Variants in ATF7IP2 observed in about 807,000 individuals in gnomAD.
ATF7IP2 encodes activating transcription factor 7 interacting protein 2.
In ATF7IP2, 42 loss-of-function variants were observed where a neutral mutation model predicts 64.2. The observed-to-expected ratio is 0.65, with a 90% CI of 0.51 to 0.85. The LOEUF is 0.85. Ranked by LOEUF, ATF7IP2 falls within the 40% of genes least tolerant of loss-of-function variation. The pLI is 0.00. For synonymous variants in ATF7IP2, 308 were observed against 272.8 expected (o/e 1.13, Z -1.27); for missense variants, 933 against 784.2 (o/e 1.19, Z -2.27).
intron 12 of ATF7IP2, among the ~76,000 whole-genome samples, chr16:10,475,623 G>T (rs886897859): frequency 1.3e-5 from 2 of 148,438 alleles, no homozygotes; most frequent in Non-Finnish European, 1.5e-5. Flanking sequence ...AACCCGGGAA[G>T]TGGAGCTTGC....
At chr16:10,472,308 G>T in intron 10 of ATF7IP2, 125 bp downstream of exon 10, 1 of 470,596 alleles carries the variant, frequency 2.1e-6, no homozygotes, top group Non-Finnish European at 3.7e-6. Flanking sequence ...ACTCTCAAAT[G>T]TTCTAATTTA....
chr16:10,457,327 T>A (rs759068041), intron 8 of ATF7IP2, 45 bp from the exon 9 acceptor site: 2 of 1,529,866 alleles, frequency 1.3e-6, no homozygotes, highest in African/African-American at 1.4e-5. Context: ...AAGGATACAA[T>A]TGGTAAAATT....
At chr16:10,397,147 T>G (rs1422231424) in intron 1 of ATF7IP2, among the ~76,000 whole-genome samples, 1 of 152,214 alleles carries the variant, frequency 6.6e-6, no homozygotes, top group African/African-American at 2.4e-5. Context: ...AATCTGTGGA[T>G]TTTATTTCTG....
intron 6 of ATF7IP2, among the ~76,000 whole-genome samples, chr16:10,436,873 A>G (rs1051735981): frequency 1.3e-5 from 2 of 151,876 alleles, no homozygotes; most frequent in African/African-American, 4.8e-5. Flanking sequence ...GAAATTAATT[A>G]TTCTCCCTGA....
At chr16:10,394,820 A>C (rs1450977772) in intron 1 of ATF7IP2, among the ~76,000 whole-genome samples, 1 of 152,210 alleles carries the variant, frequency 6.6e-6, no homozygotes, top group African/African-American at 2.4e-5. Flanking sequence ...ATGAAGACAA[A>C]CATATCAAAG....
intron 9 of ATF7IP2, among the ~76,000 whole-genome samples, chr16:10,468,455 G>A (rs1045918011): frequency 6.6e-6 from 1 of 152,170 alleles, no homozygotes; most frequent in African/African-American, 2.4e-5. Context: ...GTTCTACCAG[G>A]AGTTTAGGAT....
chr16:10,481,019 A>G lies in ATF7IP2; in HGVS notation c.1635+55A>G, dbSNP rs961917541. The G allele has an allele frequency of 2.7e-5, 36 of 1,310,170 alleles. No individual in the cohort carries two copies. The East Asian group carries it at 7.6e-4, about 28-fold the overall frequency. 81.2% of individuals were successfully genotyped at this position (1,310,170 alleles called of 1,614,324 possible). On this transcript the variant is annotated intron_variant, in intron 13 of 13. Coordinates refer to ENST00000562102, the MANE Select transcript of ATF7IP2 (RefSeq NM_001393719.1). ...ATTTATTCCAAATTGAGTGGGAAGT[A>G]GCTATGTTACTCTTGAAGAAACATT...
intron 2 of ATF7IP2, 60 bp downstream of exon 2, chr16:10,414,672 G>GC (rs891400780): frequency 1.4e-5 from 2 of 145,274 alleles, no homozygotes; most frequent in South Asian, 4.5e-4. Context: ...TTTGGGCGGG[G>GC]GGGTGGGGGA....
intron 8 of ATF7IP2, 70 bp downstream of exon 8, chr16:10,440,532 A>G: frequency 1.1e-6 from 1 of 888,790 alleles, no homozygotes; most frequent in Non-Finnish European, 1.7e-6. Flanking sequence ...AGAAGAAATG[A>G]ATATATTTCC....
chr16:10,472,044 A>G (rs2049819516), intron 9 of ATF7IP2, 66 bp from the exon 10 acceptor site: 2 of 739,090 alleles, frequency 2.7e-6, no homozygotes, highest in Non-Finnish European at 2.2e-6. Flanking sequence ...CCTAACCACT[A>G]ATTGCATGTT....
intron 9 of ATF7IP2, among the ~76,000 whole-genome samples, chr16:10,463,911 C>A (rs2049461270): frequency 6.6e-6 from 1 of 152,156 alleles, no homozygotes; most frequent in Admixed American, 6.5e-5. Context: ...TGGATTGTGG[C>A]ACCCCTCCTA....
chr16:10,428,020 AAAC>A (rs2048123555), intron 3 of ATF7IP2, among the ~76,000 whole-genome samples: 1 of 152,228 alleles, frequency 6.6e-6, no homozygotes, highest in African/African-American at 2.4e-5. Context: ...ATAACTGAAA[AAAC>A]AAGTATTAGC....
At chr16:10,418,941 T>C (rs1352259254) in intron 2 of ATF7IP2, among the ~76,000 whole-genome samples, 2 of 152,244 alleles carry the variant, frequency 1.3e-5, no homozygotes, top group Non-Finnish European at 2.9e-5. Flanking sequence ...CTGAACATAG[T>C]GTGGCCATGG....
At chr16:10,391,366 A>G (rs1236647209) in intron 1 of ATF7IP2, among the ~76,000 whole-genome samples, 1 of 151,716 alleles carries the variant, frequency 6.6e-6, no homozygotes, top group Non-Finnish European at 1.5e-5. Context: ...GGTTGCGGTG[A>G]GCGGAGATCT....
At chr16:10,389,314 T>C (rs535671505) in intron 1 of ATF7IP2, among the ~76,000 whole-genome samples, 30 of 152,318 alleles carry the variant, frequency 2.0e-4, no homozygotes, top group Admixed American at 8.5e-4. Flanking sequence ...GAAAATACGA[T>C]GAGCTGTAAG....
intron 1 of ATF7IP2, chr16:10,387,248 A>C (rs1002438721): frequency 6.6e-6 from 1 of 152,256 alleles, no homozygotes; most frequent in Admixed American, 6.5e-5. Flanking sequence ...AAAATGAAGC[A>C]TCTGAATGAA....
chr16:10,423,417 C>G (rs2048025029), intron 3 of ATF7IP2, among the ~76,000 whole-genome samples: 1 of 152,182 alleles, frequency 6.6e-6, no homozygotes, highest in Non-Finnish European at 1.5e-5. Context: ...GGAAAAGGCT[C>G]AAACGTAGCT....
intron 8 of ATF7IP2, among the ~76,000 whole-genome samples, chr16:10,454,840 T>G (rs1315555846): frequency 6.6e-6 from 1 of 152,224 alleles, no homozygotes; most frequent in African/African-American, 2.4e-5. Context: ...ACATATGAAT[T>G]ATTTGGAAGT....
In ATF7IP2 at chr16:10,427,161, G is replaced by A. The variant is rs551471694; in HGVS notation, c.-159-1707G>A. ...GAGCCACTGCACCTGGCCGGAATAT[G>A]GTTTATAATATGTTAAGTATGCTTT... On this transcript the variant is annotated intron_variant, in intron 3 of 13. Transcript: ENST00000562102. Among the ~76,000 whole-genome samples the A allele has an allele frequency of 7.2e-5, 11 of 152,090 alleles. No homozygotes were observed. The East Asian group carries it at 1.4e-3, about 19-fold the overall frequency.
Sources: allele counts gnomAD v4.1 joint callset (sites outside exome capture counted in the v4.1 genomes callset), GRCh38; gene constraint gnomAD v4.1.1; transcripts MANE v1.5; gene names NCBI Gene and HGNC (gene_info 2026-07-23, HGNC 2026-07-21).